Variants in CADPS observed in about 807,000 individuals in gnomAD.
CADPS encodes calcium dependent secretion activator.
CADPS carries 57 observed loss-of-function variants against 167.3 expected under a neutral mutation model. That is an observed-to-expected ratio of 0.34 (90% confidence interval 0.28 to 0.42). The LOEUF is 0.42. Among genes scored for constraint, CADPS ranks in the 20% least tolerant of loss-of-function variants. CADPS has a pLI of 1.00. For synonymous variants in CADPS, 676 were observed against 635.3 expected, an observed-to-expected ratio of 1.06 and a Z score of -0.96; for missense variants, 1,414 against 1,738.1, an observed-to-expected ratio of 0.81 and a Z score of 3.32.
Position 62,659,671 on chromosome 3 carries a change from C to T in CADPS, c.969+2643G>A, listed in dbSNP as rs543428642. ...GCTGACCCACAGTCCACAGGCCCTA[C>T]GAAGGAATTCATTGGTTTAGTTTGC... On this transcript the variant is annotated intron_variant, in intron 4 of 29. Coordinates refer to ENST00000383710, the MANE Select transcript of CADPS (RefSeq NM_003716.4). Among the ~76,000 whole-genome samples the T allele has an allele frequency of 5.9e-5, 9 of 152,288 alleles. No individual in the cohort carries two copies. In the East Asian group the frequency reaches 9.7e-4, roughly 16 times the overall value.
chr3:62,435,306 C>G (rs908386927), intron 28 of CADPS, among the ~76,000 whole-genome samples: 1 of 152,142 alleles, frequency 6.6e-6, no homozygotes, highest in Non-Finnish European at 1.5e-5. Context: ...CCTTGTTTAG[C>G]TTGGTGGACA....
chr3:62,546,225 G>T (rs2076426567), intron 11 of CADPS, among the ~76,000 whole-genome samples: 1 of 151,836 alleles, frequency 6.6e-6, no homozygotes, highest in African/African-American at 2.4e-5. Flanking sequence ...GTATAGATTG[G>T]CAACCAAATG....
chr3:62,438,356 C>T lies in CADPS; in HGVS notation c.3670-145G>A, dbSNP rs2055582590. 2 of 617,908 alleles carry T rather than the reference C, an allele frequency of 3.2e-6. No individual in the cohort carries two copies. Among genetic ancestry groups the T allele is most frequent in the South Asian group, 3.9e-5 (2 of 50,650 alleles). 38.3% of individuals were successfully genotyped at this position (617,908 alleles called of 1,614,324 possible). A position where few individuals can be genotyped will look rare whatever the true frequency, so the allele number is the denominator to read the frequency against. ...TTTGTAGGCATGGGATTGCTGTCCA[C>T]AGCCTGGGCTGGTAGGAATTGATAT... On this transcript the variant is annotated intron_variant, in intron 27 of 29. Transcript: ENST00000383710. This position sits in a 1 kb window ranked among gnomAD's most constrained non-coding sequence, Gnocchi z 4.7.
chr3:62,620,249 C>T (rs1459700917), intron 6 of CADPS, among the ~76,000 whole-genome samples: 1 of 152,058 alleles, frequency 6.6e-6, no homozygotes, highest in Non-Finnish European at 1.5e-5. Context: ...CCAGTTCACT[C>T]ATTAAAGACA....
chr3:62,605,402 C>A (rs1013500555), intron 6 of CADPS, among the ~76,000 whole-genome samples: 17 of 152,336 alleles, frequency 1.1e-4, no homozygotes, highest in African/African-American at 3.1e-4. Context: ...TATCATCTAA[C>A]AGCTTTATGA....
chr3:62,607,423 T>A (rs548983564), intron 6 of CADPS, among the ~76,000 whole-genome samples: 45 of 152,174 alleles, frequency 3.0e-4, no homozygotes, highest in Non-Finnish European at 7.3e-5. Flanking sequence ...AACGCTCAAG[T>A]GCTCCCAGGA....
intron 3 of CADPS, among the ~76,000 whole-genome samples, chr3:62,701,223 C>T (rs2081328875): frequency 6.6e-6 from 1 of 152,094 alleles, no homozygotes; most frequent in South Asian, 2.1e-4. Flanking sequence ...TGCCGTTACA[C>T]CCACATTACT....
chr3:62,825,315 A>T (rs1289024869), intron 1 of CADPS, among the ~76,000 whole-genome samples: 1 of 152,146 alleles, frequency 6.6e-6, no homozygotes, highest in East Asian at 1.9e-4. Flanking sequence ...GGGGTTCCCA[A>T]AGTGTAATCA....
intron 8 of CADPS, among the ~76,000 whole-genome samples, chr3:62,578,370 G>T (rs1173848060): frequency 6.6e-6 from 1 of 151,858 alleles, no homozygotes; most frequent in Non-Finnish European, 1.5e-5. Context: ...CAGCACTTTG[G>T]GAGGCTGAGG....
chr3:62,532,793 TAAAAGCAAGA>T (rs2073987606), intron 13 of CADPS, 68 bp downstream of exon 13: 5 of 1,358,680 alleles, frequency 3.7e-6, no homozygotes, highest in South Asian at 2.6e-5. Context: ...AGGCAGATCC[TAAAAGCAAGA>T]CTAGCCATAA....
intron 28 of CADPS, among the ~76,000 whole-genome samples, chr3:62,405,918 C>T (rs777858354): frequency 1.4e-4 from 22 of 152,254 alleles, no homozygotes; most frequent in Admixed American, 7.2e-4. Flanking sequence ...GGAGGCAATG[C>T]CTTCTAGAAC....
intron 1 of CADPS, among the ~76,000 whole-genome samples, chr3:62,788,142 C>A (rs889883031): frequency 2.0e-5 from 3 of 152,180 alleles, no homozygotes; most frequent in African/African-American, 7.2e-5. Flanking sequence ...ACACACCACA[C>A]AGTTAAATCT....
At position 62,499,271 on chromosome 3, in the gene CADPS, G is replaced by A; in HGVS notation, c.2600-3C>T. ...AGTGATTAACCGGCCTACATTTTCT[G>A]TAGTACAAGAGTTTGTGTTAAAATT... On this transcript the variant is annotated splice_region_variant and splice_polypyrimidine_tract_variant and intron_variant, in intron 17 of 29. Transcript: ENST00000383710. 1 of 1,596,800 alleles carries A rather than the reference G, an allele frequency of 6.3e-7. No homozygotes were observed. Among genetic ancestry groups the A allele is most frequent in the South Asian group, 1.1e-5 (1 of 90,704 alleles).
chr3:62,757,942 T>C (rs748522466), intron 2 of CADPS, among the ~76,000 whole-genome samples: 1 of 152,170 alleles, frequency 6.6e-6, no homozygotes, highest in Non-Finnish European at 1.5e-5. Context: ...GAGAACAGCA[T>C]GGGAAAGACC....
chr3:62,536,824 T>C (rs2074777433), intron 11 of CADPS, among the ~76,000 whole-genome samples: 1 of 152,208 alleles, frequency 6.6e-6, no homozygotes, highest in African/African-American at 2.4e-5. Context: ...AATGATCACA[T>C]TTCCAGTGCA....
intron 4 of CADPS, among the ~76,000 whole-genome samples, chr3:62,659,873 G>C (rs1362452047): frequency 6.6e-6 from 1 of 152,210 alleles, no homozygotes; most frequent in African/African-American, 2.4e-5. Context: ...GGAGACAGTA[G>C]AGGGCACTCT....
rs1057292719 is a variant in CADPS at position 62,851,897 on chromosome 3, C to G, written c.441+22692G>C. ...TCCAACTTGGTTCCATTCTCCGCATCACTTTCAGGTACACAAATCAGACGT... is the reference window on the plus strand; with the variant it reads ...TCCAACTTGGTTCCATTCTCCGCATGACTTTCAGGTACACAAATCAGACGT... On this transcript the variant is annotated intron_variant, in intron 1 of 29. Transcript: ENST00000383710. 1.9e-4 allele frequency among the ~76,000 whole-genome samples: 29 copies of G among 151,944 alleles called. 1 individual carries two copies. Among genetic ancestry groups the G allele is most frequent in the African/African-American group, 6.8e-4 (28 of 41,318 alleles).
At position 62,491,430 on chromosome 3, in the gene CADPS, G is replaced by C; in HGVS notation, c.2935C>G (p.Pro979Ala). Residue 979 changes from proline (P) to alanine (A), a missense_variant, in exon 21 of 30, where the codon CCA (proline) becomes GCA (alanine). Physicochemically the swap from Pro to Ala is conservative, Grantham distance 27 (BLOSUM62 -1). This residue lies in a region of CADPS where 529 missense variants were observed against 629.6 expected (regional missense o/e 0.84). Transcript: ENST00000383710. ...FHKHLQDLFA[P>A]LVVRYVDLME... ...AGATCCACATATCTAACAACAAGTG[G>C]GGCAAACAGGTCTTGCAGGTGTTTG... 6.2e-7 allele frequency: 1 copy of C among 1,614,000 alleles called. No individual in the cohort carries two copies. Among genetic ancestry groups the C allele is most frequent in the African/African-American group, 1.3e-5 (1 of 75,000 alleles).
At chr3:62,534,227 T>G (rs1196088110) in intron 12 of CADPS, among the ~76,000 whole-genome samples, 3 of 152,170 alleles carry the variant, frequency 2.0e-5, no homozygotes, top group Non-Finnish European at 2.9e-5. Context: ...ACTTTGAGGG[T>G]CTTCTCTGAG....
Sources: gnomAD v4.1 joint callset for allele counts (sites outside exome capture counted in the v4.1 genomes callset) on GRCh38, gnomAD v4.1.1 for gene constraint, gnomAD v4.1.1 regional missense constraint, Gnocchi (gnomAD v3.1) non-coding constraint, MANE v1.5 for transcripts, NCBI Gene and HGNC (gene_info 2026-07-23, HGNC 2026-07-21) for gene names.